The following PDZD2 variants were observed in gnomAD, a reference collection of about 807,000 sequenced individuals.
PDZD2 encodes the protein PDZ domain containing 2.
A neutral mutation model predicts 220.7 loss-of-function variants in PDZD2; 90 were observed. The ratio of observed to expected loss-of-function variants is 0.41; its 90% CI spans 0.34 to 0.49. The LOEUF is 0.49. Among genes scored for constraint, PDZD2 ranks in the 20% least tolerant of loss-of-function variants. The pLI is 0.28. For missense variants in PDZD2, 3,174 were observed against 3,608.5 expected (o/e 0.88, Z 3.08); for synonymous variants, 1,375 against 1,450.5 (o/e 0.95, Z 1.18).
rs917688820 is a variant in PDZD2 at position 32,010,453 on chromosome 5, G to T, written c.1378G>T (p.Glu460Ter). Residue 460 changes from glutamate (E) to a stop codon, truncating the protein, a stop_gained, in exon 6 of 25, where the codon GAA (glutamate) becomes TAA (stop). Coordinates refer to ENST00000438447, the MANE Select transcript of PDZD2 (RefSeq NM_178140.4). LOFTEE classifies it high-confidence loss of function. ...CCAGGAGGCAGACGGGGAAGAGGAC[G>T]AAGGAACCAGCTCTTCTGTCCAGAG... ...EDQEADGEED[E>*]GTSSSVQRAM... The T allele has an allele frequency of 6.2e-7, 1 of 1,612,340 alleles. No homozygotes were observed. Among genetic ancestry groups the T allele is most frequent in the Admixed American group, 1.7e-5 (1 of 59,964 alleles).
intron 2 of PDZD2, among the ~76,000 whole-genome samples, chr5:31,881,540 G>A (rs1250309146): frequency 6.6e-6 from 1 of 151,298 alleles, no homozygotes; most frequent in African/African-American, 2.4e-5. Flanking sequence ...ACCATGCCTG[G>A]CAAATTTTAT....
intron 3 of PDZD2, among the ~76,000 whole-genome samples, chr5:31,990,971 A>G (rs911215779): frequency 6.6e-5 from 10 of 152,206 alleles, no homozygotes; most frequent in African/African-American, 2.2e-4. Context: ...GCAGCCCTGC[A>G]TAATCCGGGG....
At chr5:31,876,206 C>T (rs1434608656) in intron 2 of PDZD2, among the ~76,000 whole-genome samples, 2 of 151,830 alleles carry the variant, frequency 1.3e-5, no homozygotes, top group Non-Finnish European at 2.9e-5. Context: ...GGTTACTATA[C>T]CAGCCAGTGT....
At chr5:31,860,983 T>C (rs1254228973) in intron 2 of PDZD2, among the ~76,000 whole-genome samples, 3 of 152,176 alleles carry the variant, frequency 2.0e-5, no homozygotes, top group Admixed American at 6.5e-5. Flanking sequence ...CTCCATTCCA[T>C]GCCCCAGAGA....
At chr5:31,950,953 C>A (rs1285988940) in intron 2 of PDZD2, among the ~76,000 whole-genome samples, 2 of 152,196 alleles carry the variant, frequency 1.3e-5, no homozygotes, top group East Asian at 1.9e-4. Flanking sequence ...AGTCCAAGAT[C>A]AAGGCACCGG....
At chr5:32,035,756 T>G (rs1755489392) in intron 6 of PDZD2, among the ~76,000 whole-genome samples, 1 of 152,188 alleles carries the variant, frequency 6.6e-6, no homozygotes, top group Admixed American at 6.5e-5. Context: ...ATCAAGAAGC[T>G]TTTGAATACA....
chr5:32,034,009 C>T (rs1457063955), intron 6 of PDZD2, among the ~76,000 whole-genome samples: 1 of 152,174 alleles, frequency 6.6e-6, no homozygotes, highest in Admixed American at 6.5e-5. Flanking sequence ...TCTATCATGA[C>T]CAGAAACCTT....
intron 3 of PDZD2, among the ~76,000 whole-genome samples, chr5:31,995,258 G>A (rs1476455217): frequency 1.3e-5 from 2 of 152,134 alleles, no homozygotes; most frequent in Non-Finnish European, 2.9e-5. Flanking sequence ...AATTTAACTA[G>A]AATTCAATTC....
At chr5:31,735,982 T>C (rs1749837359) in intron 1 of PDZD2, among the ~76,000 whole-genome samples, 1 of 151,742 alleles carries the variant, frequency 6.6e-6, no homozygotes, top group Admixed American at 6.6e-5. Context: ...CCAAATTATA[T>C]AGAGCACAAA....
chr5:31,687,826 A>G (rs867177687), intron 1 of PDZD2, among the ~76,000 whole-genome samples: 5 of 152,222 alleles, frequency 3.3e-5, no homozygotes, highest in African/African-American at 1.2e-4. Context: ...CTATGAGGGC[A>G]CTAGTTCTAT....
At chr5:31,778,386 A>G (rs560250057) in intron 1 of PDZD2, among the ~76,000 whole-genome samples, 1 of 151,890 alleles carries the variant, frequency 6.6e-6, no homozygotes, top group African/African-American at 2.4e-5. Flanking sequence ...GCTGCTGCTC[A>G]CTCTTTGGGT....
intron 1 of PDZD2, among the ~76,000 whole-genome samples, chr5:31,663,142 T>C (rs954393387): frequency 6.6e-6 from 1 of 152,194 alleles, no homozygotes; most frequent in Non-Finnish European, 1.5e-5. Flanking sequence ...TGATCTAAAT[T>C]AAGCTACCCA....
chr5:31,677,215 T>C (rs1746464814), intron 1 of PDZD2, among the ~76,000 whole-genome samples: 1 of 152,200 alleles, frequency 6.6e-6, no homozygotes, highest in Non-Finnish European at 1.5e-5. Context: ...AGCGGATTAT[T>C]GTGTCCTGCC....
chr5:32,071,582 A>G (rs1740748923), intron 16 of PDZD2, among the ~76,000 whole-genome samples, 164 bp downstream of exon 16: 1 of 152,378 alleles, frequency 6.6e-6, no homozygotes, highest in African/African-American at 2.4e-5. Flanking sequence ...AATAGATGCA[A>G]AAATGTGTGT....
At chr5:31,942,391 G>A (rs1356443432) in intron 2 of PDZD2, among the ~76,000 whole-genome samples, 1 of 152,148 alleles carries the variant, frequency 6.6e-6, no homozygotes, top group South Asian at 2.1e-4. Flanking sequence ...GCATGTGTGT[G>A]TGTGTGTGTG....
intron 1 of PDZD2, among the ~76,000 whole-genome samples, chr5:31,687,117 C>T (rs1485782483): frequency 6.6e-6 from 1 of 152,144 alleles, no homozygotes; most frequent in African/African-American, 2.4e-5. Flanking sequence ...ATCAGTAAAT[C>T]CAAGCTACAT....
At chr5:31,664,880 G>T (rs2150114173) in intron 1 of PDZD2, 1 of 152,354 alleles carries the variant, frequency 6.6e-6, no homozygotes, top group East Asian at 1.9e-4. Flanking sequence ...GGAGGAGATG[G>T]TGGCGAGAAG....
At chr5:31,689,336 C>CATATGCATATATATATATATAT (rs1747009210) in intron 1 of PDZD2, among the ~76,000 whole-genome samples, 1 of 55,222 alleles carries the variant, frequency 1.8e-5, no homozygotes, top group African/African-American at 1.1e-4. Flanking sequence ...TATACATATA[C>CATATGCATATATATATATATAT]ATATATATAT....
chr5:31,912,909 G>A (rs2150370410), intron 2 of PDZD2, among the ~76,000 whole-genome samples: 1 of 152,184 alleles, frequency 6.6e-6, no homozygotes, highest in South Asian at 2.1e-4. Context: ...TGAGTGCAAG[G>A]ATAACAAATG....
Sources: allele counts gnomAD v4.1 joint callset (sites outside exome capture counted in the v4.1 genomes callset), GRCh38; gene constraint gnomAD v4.1.1; transcripts MANE v1.5; gene names NCBI Gene and HGNC (gene_info 2026-07-23, HGNC 2026-07-21).